The following GRXCR2 variants were observed in gnomAD, a reference collection of about 807,000 sequenced individuals.
GRXCR2 encodes glutaredoxin and cysteine rich domain containing 2.
In GRXCR2, 23 loss-of-function variants were observed where a neutral mutation model predicts 24.8. That is an observed-to-expected ratio of 0.93 (90% CI 0.67 to 1.32). GRXCR2 has a LOEUF of 1.32. Among genes scored for constraint, GRXCR2 ranks in the 40% most tolerant of loss-of-function variants. The pLI, the probability that GRXCR2 is intolerant of heterozygous loss-of-function variation, is 0.00. For synonymous variants in GRXCR2, 130 were observed against 116.1 expected (o/e 1.12, Z -0.77); for missense variants, 315 against 303.4 (o/e 1.04, Z -0.28).
intron 2 of GRXCR2, among the ~76,000 whole-genome samples, chr5:145,927,331 T>G (rs1170507246): frequency 1.3e-5 from 2 of 152,178 alleles, no homozygotes; most frequent in East Asian, 1.9e-4. Flanking sequence ...ATGCTTCCTG[T>G]TTTTGCCCAT....
At position 145,899,980 on chromosome 5, in the gene GRXCR2, A is replaced by G. The variant is rs113120285; in HGVS notation, c.-69-33252T>C. 7.6e-3 allele frequency among the ~76,000 whole-genome samples: 1,163 copies of G among 152,226 alleles called. 14 individuals are homozygous for G. The highest frequency in any genetic ancestry group is 0.026 in the African/African-American group (1,091 of 41,526). ...TAGAGTAAACAGACAGCCCCACAGA[A>G]TGGGAGGAAATATTCACAAACTCTG... On this transcript the variant is annotated intron_variant, in intron 2 of 3. Transcript: ENST00000639411.
intron 2 of GRXCR2, among the ~76,000 whole-genome samples, chr5:145,928,120 G>A (rs1166590693): frequency 1.3e-5 from 2 of 151,896 alleles, no homozygotes; most frequent in East Asian, 1.9e-4. Flanking sequence ...CTCAAAAGAA[G>A]ACATTTATGC....
intron 2 of GRXCR2, among the ~76,000 whole-genome samples, chr5:145,879,465 A>G (rs1016949810): frequency 1.1e-4 from 16 of 152,208 alleles, no homozygotes; most frequent in Admixed American, 3.9e-4. Context: ...AGGCCATTAC[A>G]TAATGGTAAA....
chr5:145,884,215 G>A (rs1254520923), intron 2 of GRXCR2, among the ~76,000 whole-genome samples: 1 of 152,020 alleles, frequency 6.6e-6, no homozygotes, highest in African/African-American at 2.4e-5. Flanking sequence ...ATGGTTAAGT[G>A]GCCCAGAAGG....
intron 2 of GRXCR2, among the ~76,000 whole-genome samples, chr5:145,890,162 C>T (rs754674713): frequency 6.6e-6 from 1 of 152,214 alleles, no homozygotes; most frequent in Non-Finnish European, 1.5e-5. Flanking sequence ...AACTGTGGCT[C>T]ACTACAACCT....
intron 2 of GRXCR2, among the ~76,000 whole-genome samples, chr5:145,888,056 C>T: frequency 6.6e-6 from 1 of 151,720 alleles, no homozygotes; most frequent in East Asian, 1.9e-4. Flanking sequence ...AATTTTATTC[C>T]AGAATAGTGC....
chr5:145,873,593 A>G (rs1381947170), upstream of GRXCR2, among the ~76,000 whole-genome samples: 1 of 152,206 alleles, frequency 6.6e-6, no homozygotes, highest in Non-Finnish European at 1.5e-5. Flanking sequence ...AGATCAGCCC[A>G]CACAACCAGA....
intron 2 of GRXCR2, among the ~76,000 whole-genome samples, chr5:145,862,858 C>A (rs1756363727): frequency 1.3e-5 from 2 of 152,176 alleles, no homozygotes; most frequent in East Asian, 3.8e-4. Flanking sequence ...ATATCTACCT[C>A]ACAGGGTTCT....
intron 2 of GRXCR2, among the ~76,000 whole-genome samples, chr5:145,896,879 C>A (rs576689768): frequency 6.8e-4 from 103 of 152,154 alleles, no homozygotes; most frequent in African/African-American, 2.4e-3. Context: ...GACTTGGAAC[C>A]AAGCCAAATG....
intron 1 of GRXCR2, among the ~76,000 whole-genome samples, chr5:145,871,690 A>T (rs114992135): frequency 0.014 from 2,176 of 152,312 alleles, 56 homozygotes; most frequent in African/African-American, 0.05. Flanking sequence ...ATGCCAGTAA[A>T]GCCAGTAATA....
At chr5:145,926,495 C>T (rs1228565129) in intron 2 of GRXCR2, among the ~76,000 whole-genome samples, 3 of 152,140 alleles carry the variant, frequency 2.0e-5, no homozygotes, top group South Asian at 2.1e-4. Context: ...ATTGTTTCCC[C>T]ATTTCTTGTC....
chr5:145,903,304 C>T (rs543690164), intron 2 of GRXCR2, among the ~76,000 whole-genome samples: 2 of 152,266 alleles, frequency 1.3e-5, no homozygotes, highest in South Asian at 4.1e-4. Flanking sequence ...ATCCAAGTGT[C>T]CTGCTAGTGG....
chr5:145,910,955 A>C (rs544038464), intron 2 of GRXCR2, among the ~76,000 whole-genome samples: 2 of 151,946 alleles, frequency 1.3e-5, no homozygotes, highest in Admixed American at 1.3e-4. Flanking sequence ...TTTCTTGCCC[A>C]AGATCACTCC....
At chr5:145,871,559 G>T (rs1044417032) in intron 1 of GRXCR2, among the ~76,000 whole-genome samples, 2 of 152,132 alleles carry the variant, frequency 1.3e-5, no homozygotes, top group African/African-American at 4.8e-5. Flanking sequence ...ATGACACTTT[G>T]TACTGCATAC....
rs558956289 is a variant in GRXCR2, at chr5:145,891,910, G to A, written c.-69-25182C>T. ...GTAGGGGCAGATTGACACCTCACAC[G>A]GCCGGGTACTCCTCTGAGACAAAAC... On this transcript the variant is annotated intron_variant, in intron 2 of 3. Transcript: ENST00000639411. Among the ~76,000 whole-genome samples, 7 of 152,158 alleles carry A rather than the reference G, an allele frequency of 4.6e-5. No individual in the cohort carries two copies. The South Asian group carries it at 6.2e-4, about 14-fold the overall frequency.
intron 2 of GRXCR2, among the ~76,000 whole-genome samples, chr5:145,928,997 A>G (rs1757442910): frequency 6.6e-6 from 1 of 151,924 alleles, no homozygotes; most frequent in Non-Finnish European, 1.5e-5. Flanking sequence ...TCAACTAATA[A>G]GCCCAGTGGC....
chr5:145,876,858 C>T (rs1228797182), upstream of GRXCR2, among the ~76,000 whole-genome samples: 1 of 152,064 alleles, frequency 6.6e-6, no homozygotes, highest in Non-Finnish European at 1.5e-5. Flanking sequence ...GCAGTTTTGG[C>T]AGTATTATCA....
At chr5:145,921,988 A>G (rs1408737727) in intron 2 of GRXCR2, among the ~76,000 whole-genome samples, 1 of 152,232 alleles carries the variant, frequency 6.6e-6, no homozygotes, top group East Asian at 1.9e-4. Context: ...GGGTGAAAAC[A>G]TTTGTTGTCA....
At chr5:145,860,352 A>G (rs145245171) in intron 2 of GRXCR2, among the ~76,000 whole-genome samples, 1 of 152,318 alleles carries the variant, frequency 6.6e-6, no homozygotes, top group East Asian at 1.9e-4. Flanking sequence ...CCAGTGAGAT[A>G]GTGTAAGTAT....
Sources: gnomAD v4.1 joint callset for allele counts (sites outside exome capture counted in the v4.1 genomes callset) on GRCh38, gnomAD v4.1.1 for gene constraint, MANE v1.5 for transcripts, NCBI Gene and HGNC (gene_info 2026-07-23, HGNC 2026-07-21) for gene names.